The following SSBP4 variants were observed in gnomAD, a reference collection of about 807,000 sequenced individuals.
The protein encoded by SSBP4 is single-stranded DNA-binding protein 4.
A neutral mutation model predicts 64.6 loss-of-function variants in SSBP4; 33 were observed. That is an observed-to-expected ratio of 0.51 (90% confidence interval 0.39 to 0.68). SSBP4 has a LOEUF of 0.68. Ranked by LOEUF, SSBP4 falls within the 30% of genes least tolerant of loss-of-function variation. SSBP4 has a pLI of 0.00. For synonymous variants in SSBP4, 243 were observed against 224.0 expected (o/e 1.08, Z -0.76); for missense variants, 583 against 566.8 (o/e 1.03, Z -0.29).
Position 18,423,492 on chromosome 19 carries a change from G to A in SSBP4, c.59+3785G>A, listed in dbSNP as rs568226496. Among the ~76,000 whole-genome samples the A allele has an allele frequency of 6.6e-5, 10 of 152,244 alleles. No homozygotes were observed. The highest frequency in any genetic ancestry group is 4.1e-4 in the South Asian group (2 of 4,832). ...AGGGTCAGGAGTGAGACCTGGTGACGGATGGCAAGGTGACACAAAGCCATG... is the reference window on the plus strand; with the variant it reads ...AGGGTCAGGAGTGAGACCTGGTGACAGATGGCAAGGTGACACAAAGCCATG... On this transcript the variant is annotated intron_variant, in intron 1 of 17. Transcript: ENST00000270061. The surrounding 1 kb of genome is among the most constrained non-coding windows in gnomAD (Gnocchi z 4.0).
the SSBP4 span, among the ~76,000 whole-genome samples, chr19:18,405,179 A>C: frequency 2.5e-4 from 38 of 152,132 alleles, no homozygotes; most frequent in Admixed American, 2.5e-3. Flanking sequence ...CAGTCTAGGC[A>C]GTGGGGCAAC....
the SSBP4 span, among the ~76,000 whole-genome samples, chr19:18,413,001 C>A: frequency 2.6e-5 from 4 of 152,046 alleles, no homozygotes; most frequent in Admixed American, 6.6e-5. Flanking sequence ...GGGAAGGAGC[C>A]CTACAGGGGG....
At chr19:18,407,317 C>T in the SSBP4 span, among the ~76,000 whole-genome samples, 1 of 149,744 alleles carries the variant, frequency 6.7e-6, no homozygotes, top group Admixed American at 6.7e-5. Context: ...GGATTACAGG[C>T]GTAAGACACA....
Position 18,434,362 on chromosome 19 carries a change from GC to G in SSBP4, c.*119del. 1 of 1,494,456 alleles carries G rather than the reference GC, an allele frequency of 6.7e-7. No homozygotes were observed. The highest frequency in any genetic ancestry group is 8.9e-7 in the Non-Finnish European group (1 of 1,125,340). 92.6% of individuals were successfully genotyped at this position (1,494,456 alleles called of 1,614,324 possible). On this transcript the variant is annotated 3_prime_UTR_variant, in exon 18 of 18. Coordinates refer to ENST00000270061, the MANE Select transcript of SSBP4 (RefSeq NM_032627.5). ...CTGGACTCCTGGCCAATCAAGGCTT[GC>G]CCAGCTGGGAGGCCCCACACGAAAG...
At chr19:18,413,080 A>G in the SSBP4 span, among the ~76,000 whole-genome samples, 3 of 151,214 alleles carry the variant, frequency 2.0e-5, no homozygotes, top group African/African-American at 7.3e-5. Flanking sequence ...CAGCTGGGGG[A>G]CAGTGTAGAT....
upstream of SSBP4, among the ~76,000 whole-genome samples, chr19:18,418,208 G>GTGCACTCACACGGGAGCCGCGTGTT (rs1972204668): frequency 6.6e-6 from 1 of 152,166 alleles, no homozygotes; most frequent in African/African-American, 2.4e-5. This position sits in a 1 kb window ranked among gnomAD's most constrained non-coding sequence, Gnocchi z 6.7. Flanking sequence ...GGATGCACAC[G>GTGCACTCACACGGGAGCCGCGTGTT]TGCACTCACA....
chr19:18,421,526 C>T (rs138284584), intron 1 of SSBP4, among the ~76,000 whole-genome samples: 35 of 152,246 alleles, frequency 2.3e-4, no homozygotes, highest in African/African-American at 8.2e-4. Flanking sequence ...AGGCAGGCTC[C>T]GGTCGGGATG....
At chr19:18,424,496 G>A (rs949808465) in intron 1 of SSBP4, among the ~76,000 whole-genome samples, 3 of 152,002 alleles carry the variant, frequency 2.0e-5, no homozygotes. Context: ...GTCTCTGGGT[G>A]GAAGTGCCCC....
At chr19:18,424,511 A>C (rs1035970447) in intron 1 of SSBP4, among the ~76,000 whole-genome samples, 17 of 151,248 alleles carry the variant, frequency 1.1e-4, no homozygotes, top group African/African-American at 3.9e-4. Flanking sequence ...TGCCCCAGGC[A>C]GGGAAACAGT....
chr19:18,433,071 TCGAGG>T (rs752992063), intron 14 of SSBP4, 28 bp downstream of exon 14: 2 of 1,613,836 alleles, frequency 1.2e-6, no homozygotes, highest in South Asian at 2.2e-5. Context: ...GGGGTGCTTC[TCGAGG>T]CGGTGACCCC....
the SSBP4 span, among the ~76,000 whole-genome samples, chr19:18,413,489 C>T: frequency 3.7e-4 from 56 of 151,856 alleles, 1 homozygote; most frequent in Middle Eastern, 3.4e-3. Context: ...GCTGGGATTA[C>T]AGGCGTGACC....
chr19:18,407,031 TTTA>T, the SSBP4 span, among the ~76,000 whole-genome samples: 6 of 151,900 alleles, frequency 3.9e-5, no homozygotes, highest in African/African-American at 1.2e-4. Flanking sequence ...TATTTTTTAT[TTTA>T]TTATTATTAT....
the SSBP4 span, among the ~76,000 whole-genome samples, chr19:18,411,013 G>A: frequency 4.6e-3 from 694 of 151,190 alleles, 5 homozygotes; most frequent in African/African-American, 0.016. Flanking sequence ...GGTGGCTCAC[G>A]CCTGTAATCC....
Position 18,427,531 on chromosome 19 carries a change from C to G in SSBP4, c.132+108C>G, listed in dbSNP as rs895357385. Reference sequence around the variant, plus strand: ...GGCCCGCGTTGCCCCTCTGATGGCCCTGGGAACTGAGGGCTCTGCAGGGTC... The same window carrying G: ...GGCCCGCGTTGCCCCTCTGATGGCCGTGGGAACTGAGGGCTCTGCAGGGTC... On this transcript the variant is annotated intron_variant, in intron 2 of 17. Coordinates refer to ENST00000270061, the MANE Select transcript of SSBP4 (RefSeq NM_032627.5). This position sits in a 1 kb window ranked among gnomAD's most constrained non-coding sequence, Gnocchi z 4.4. 3 of 1,399,920 alleles carry G rather than the reference C, an allele frequency of 2.1e-6. No homozygotes were observed. Among genetic ancestry groups the G allele is most frequent in the Admixed American group, 2.0e-5 (1 of 49,776 alleles). 86.7% of individuals were successfully genotyped at this position (1,399,920 alleles called of 1,614,324 possible).
chr19:18,426,922 A>G lies in SSBP4; in HGVS notation c.60-429A>G, dbSNP rs1404960345. On this transcript the variant is annotated intron_variant, in intron 1 of 17. Coordinates refer to ENST00000270061, the MANE Select transcript of SSBP4 (RefSeq NM_032627.5). The surrounding 1 kb of genome is among the most constrained non-coding windows in gnomAD (Gnocchi z 4.5). ...AGGGACTGCAGGGGATGTGGGGTGG[A>G]GGACCCCTTCCCTCCTTCCTTCCTG... 6.6e-6 allele frequency among the ~76,000 whole-genome samples: 1 copy of G among 152,044 alleles called. No individual in the cohort carries two copies. The highest frequency in any genetic ancestry group is 1.5e-5 in the Non-Finnish European group (1 of 67,974).
intron 8 of SSBP4, 60 bp from the exon 9 acceptor site, chr19:18,431,940 C>T (rs1973421981): frequency 1.9e-6 from 3 of 1,560,596 alleles, no homozygotes; most frequent in African/African-American, 2.7e-5. Flanking sequence ...TGCTGCCTCC[C>T]CACTGTCCAC....
At chr19:18,421,627 A>G (rs989874465) in intron 1 of SSBP4, among the ~76,000 whole-genome samples, 2 of 152,196 alleles carry the variant, frequency 1.3e-5, no homozygotes, top group Admixed American at 6.5e-5. Context: ...ATAGATAGCG[A>G]AGGGTGAGGG....
chr19:18,403,501 G>A, the SSBP4 span, among the ~76,000 whole-genome samples: 3 of 152,160 alleles, frequency 2.0e-5, no homozygotes, highest in Non-Finnish European at 4.4e-5. Flanking sequence ...AGGTCTGTGG[G>A]TTCTGGGGTA....
At chr19:18,419,380 GGGA>G, upstream of SSBP4, 1 of 1,026,624 alleles carries the variant, frequency 9.7e-7, no homozygotes, top group Non-Finnish European at 1.2e-6. Flanking sequence ...CGCGCGCGGC[GGGA>G]GGAGGGGAGC....
Sources: allele counts gnomAD v4.1 joint callset (sites outside exome capture counted in the v4.1 genomes callset), GRCh38; gene constraint gnomAD v4.1.1; non-coding constraint Gnocchi (gnomAD v3.1); transcripts MANE v1.5; gene names NCBI Gene and HGNC (gene_info 2026-07-23, HGNC 2026-07-21).